IFT25: variants seen among roughly 807,000 people sequenced by gnomAD.
IFT25 encodes the protein intraflagellar transport 25, also known as intraflagellar transport protein 25 homolog.
chr1:53,939,901 G>A, the IFT25 span: 3 of 766,648 alleles, frequency 3.9e-6, no homozygotes, highest in African/African-American at 5.3e-5. Context: ...TGTTTAATAG[G>A]GCAAGTTGTT....
At chr1:53,927,450 G>A in the IFT25 span, among the ~76,000 whole-genome samples, 5 of 152,088 alleles carry the variant, frequency 3.3e-5, 1 homozygote, top group South Asian at 4.2e-4. Context: ...CACTAGTATC[G>A]TATTTTCAAC....
the IFT25 span, chr1:53,929,628 T>C: frequency 5.8e-5 from 9 of 155,182 alleles, no homozygotes; most frequent in South Asian, 1.6e-3. Flanking sequence ...ATCAGAGTTA[T>C]CAGATTTTCA....
the IFT25 span, among the ~76,000 whole-genome samples, chr1:53,937,540 T>A: frequency 7.2e-3 from 1,092 of 152,342 alleles, 8 homozygotes; most frequent in Middle Eastern, 0.02. Context: ...TATTCCATGT[T>A]TTCCCGTACT....
At chr1:53,928,739 C>A in the IFT25 span, 1 of 283,514 alleles carries the variant, frequency 3.5e-6, no homozygotes, top group Non-Finnish European at 6.6e-6. Context: ...TATTGGTGGT[C>A]TTGGTCATAA....
chr1:53,921,819 T>C, the IFT25 span: 9 of 1,098,888 alleles, frequency 8.2e-6, no homozygotes, highest in Non-Finnish European at 1.1e-5. Flanking sequence ...TAGTTAACTG[T>C]TAACAAGCAG....
the IFT25 span, among the ~76,000 whole-genome samples, chr1:53,918,118 C>A: frequency 6.6e-6 from 1 of 152,192 alleles, no homozygotes; most frequent in Non-Finnish European, 1.5e-5. Context: ...AGCTTAATTT[C>A]TTACTCCTCC....
chr1:53,928,693 G>C, the IFT25 span: 1 of 390,856 alleles, frequency 2.6e-6, no homozygotes, highest in Non-Finnish European at 4.6e-6. Flanking sequence ...ATTTGGCATT[G>C]TTCCGATTTT....
At chr1:53,916,733 T>G in the IFT25 span, 1 of 367,366 alleles carries the variant, frequency 2.7e-6, no homozygotes, top group African/African-American at 2.1e-5. Flanking sequence ...ACTCAGACTT[T>G]TTTATTCATC....
chr1:53,928,680 T>C, the IFT25 span: 1 of 414,608 alleles, frequency 2.4e-6, no homozygotes, highest in South Asian at 5.3e-5. Flanking sequence ...AGAGCTTTTC[T>C]GAATTTGGCA....
the IFT25 span, among the ~76,000 whole-genome samples, chr1:53,945,224 T>C: frequency 3.9e-5 from 6 of 152,236 alleles, no homozygotes; most frequent in Non-Finnish European, 8.8e-5. Flanking sequence ...AATTTATAGC[T>C]AGATGTGTTA....
chr1:53,919,181 C>T, the IFT25 span, among the ~76,000 whole-genome samples: 4 of 152,094 alleles, frequency 2.6e-5, no homozygotes, highest in African/African-American at 9.7e-5. Flanking sequence ...TGGGCAGGTA[C>T]CTCTTGTTTT....
chr1:53,944,482 T>C, the IFT25 span, among the ~76,000 whole-genome samples: 9 of 152,106 alleles, frequency 5.9e-5, no homozygotes, highest in Non-Finnish European at 1.0e-4. Flanking sequence ...TCGTCTCTAC[T>C]AAAAATATAA....
At chr1:53,920,901 G>A in the IFT25 span, among the ~76,000 whole-genome samples, 7 of 152,324 alleles carry the variant, frequency 4.6e-5, no homozygotes, top group African/African-American at 9.6e-5. Flanking sequence ...GGCCGGGTGC[G>A]GTGGCTCATG....
chr1:53,936,071 C>T, the IFT25 span, among the ~76,000 whole-genome samples: 1 of 151,362 alleles, frequency 6.6e-6, no homozygotes, highest in East Asian at 1.9e-4. Context: ...ACCAGCCTGG[C>T]CAATATGGTG....
chr1:53,919,236 A>G, the IFT25 span, among the ~76,000 whole-genome samples: 1 of 152,206 alleles, frequency 6.6e-6, no homozygotes, highest in Non-Finnish European at 1.5e-5. Context: ...AGCAGACAAC[A>G]GCAAATCTGA....
chr1:53,921,363 A>G, the IFT25 span, among the ~76,000 whole-genome samples: 1 of 152,280 alleles, frequency 6.6e-6, no homozygotes, highest in South Asian at 2.1e-4. Flanking sequence ...CTACGATCTG[A>G]AGAGCACCAG....
At chr1:53,945,802 C>G in the IFT25 span, 2 of 148,226 alleles carry the variant, frequency 1.3e-5, no homozygotes, top group Admixed American at 1.3e-4. Context: ...CTACCCCGAG[C>G]TCTTTGCGCC....
the IFT25 span, chr1:53,946,050 C>CA: frequency 6.6e-6 from 1 of 152,438 alleles, no homozygotes; most frequent in African/African-American, 2.4e-5. Flanking sequence ...GCCCCGCCCA[C>CA]AATCGGCCCC....
At chr1:53,941,599 G>C in the IFT25 span, among the ~76,000 whole-genome samples, 1 of 152,150 alleles carries the variant, frequency 6.6e-6, no homozygotes, top group South Asian at 2.1e-4. Context: ...CAGAGAACCA[G>C]TCAGTGTGGG....
Sources: allele counts gnomAD v4.1 joint callset (sites outside exome capture counted in the v4.1 genomes callset), GRCh38; gene constraint gnomAD v4.1.1; transcripts MANE v1.5; gene names NCBI Gene and HGNC (gene_info 2026-07-23, HGNC 2026-07-21).